Variants in KCNIP4 observed in about 807,000 individuals in gnomAD.
KCNIP4 encodes the protein potassium voltage-gated channel interacting protein 4, also known as Kv channel-interacting protein 4.
In KCNIP4, 12 loss-of-function variants were observed where a neutral mutation model predicts 34.0. That is an observed-to-expected ratio of 0.35 (90% CI 0.23 to 0.57). KCNIP4 has a LOEUF of 0.57. Among genes scored for constraint, KCNIP4 ranks in the 20% least tolerant of loss-of-function variants. The pLI, the probability that KCNIP4 is intolerant of heterozygous loss-of-function variation, is 0.83. For synonymous variants in KCNIP4, 124 were observed against 102.2 expected, an observed-to-expected ratio of 1.21 and a Z score of -1.29; for missense variants, 238 against 311.7, an observed-to-expected ratio of 0.76 and a Z score of 1.78.
At chr4:21,553,000 T>C (rs1365244860) in intron 1 of KCNIP4, among the ~76,000 whole-genome samples, 2 of 151,976 alleles carry the variant, frequency 1.3e-5, no homozygotes, top group African/African-American at 4.8e-5. Context: ...ACTCAGACTC[T>C]TGGGGAAACA....
intron 3 of KCNIP4, among the ~76,000 whole-genome samples, chr4:20,761,372 A>C (rs1251338081): frequency 6.6e-6 from 1 of 152,068 alleles, no homozygotes; most frequent in Non-Finnish European, 1.5e-5. Context: ...AATAGCTACA[A>C]CTCCAAAGGT....
rs1271539921 is a variant in KCNIP4, at chr4:20,864,049, TATGTATACAC to T, written c.164-13392_164-13383del. Among the ~76,000 whole-genome samples the T allele has an allele frequency of 5.0e-3, 641 of 128,506 alleles. 3 individuals are homozygous for T. The highest frequency in any genetic ancestry group is 0.016 in the African/African-American group (621 of 39,626). The allele number at this position is 128,506 out of a possible 152,430, so 84.3% of individuals were successfully genotyped here. On this transcript the variant is annotated intron_variant, in intron 2 of 8. Coordinates refer to ENST00000382152, the MANE Select transcript of KCNIP4 (RefSeq NM_025221.6). The stretch of plus-strand genomic sequence containing the variant: ...ACATACATATGTATGTATACGCATG[TATGTATACAC>T]ATGTATGTATACGTATGTATGTATG...
intron 1 of KCNIP4, among the ~76,000 whole-genome samples, chr4:21,624,121 G>C (rs1745165106): frequency 6.6e-6 from 1 of 152,184 alleles, no homozygotes; most frequent in South Asian, 2.1e-4. Context: ...CAGGACTTCA[G>C]ATCAGACAGA....
intron 1 of KCNIP4, among the ~76,000 whole-genome samples, chr4:21,412,032 C>T (rs558814420): frequency 1.3e-5 from 2 of 152,286 alleles, no homozygotes; most frequent in Admixed American, 6.5e-5. Flanking sequence ...ACTTGACATA[C>T]TCAATTTCTC....
intron 1 of KCNIP4, among the ~76,000 whole-genome samples, chr4:20,934,184 T>G (rs1262583306): frequency 6.6e-6 from 1 of 152,204 alleles, no homozygotes; most frequent in Non-Finnish European, 1.5e-5. Context: ...TTGGATTTCT[T>G]GTCCTCCAAC....
intron 1 of KCNIP4, among the ~76,000 whole-genome samples, chr4:21,367,431 G>A (rs1447270157): frequency 6.6e-6 from 1 of 151,806 alleles, no homozygotes; most frequent in East Asian, 1.9e-4. Flanking sequence ...TCTTCATTAG[G>A]GTCTGAGCCA....
chr4:20,993,420 A>G (rs1420315101), intron 1 of KCNIP4, among the ~76,000 whole-genome samples: 1 of 152,208 alleles, frequency 6.6e-6, no homozygotes, highest in Non-Finnish European at 1.5e-5. Flanking sequence ...TGCTCCCTAA[A>G]TCAGAAGCAT....
chr4:21,518,587 C>T (rs1734970493), intron 1 of KCNIP4, among the ~76,000 whole-genome samples: 1 of 152,026 alleles, frequency 6.6e-6, no homozygotes, highest in Non-Finnish European at 1.5e-5. Flanking sequence ...TAGGACCTGC[C>T]GAGGTAAGCC....
At chr4:21,331,952 C>G (rs546158656) in intron 1 of KCNIP4, among the ~76,000 whole-genome samples, 1 of 152,162 alleles carries the variant, frequency 6.6e-6, no homozygotes, top group African/African-American at 2.4e-5. Flanking sequence ...ATGCATGGCA[C>G]ATAGTAGGTC....
At chr4:21,021,984 G>A (rs915735503) in intron 1 of KCNIP4, among the ~76,000 whole-genome samples, 1 of 152,072 alleles carries the variant, frequency 6.6e-6, no homozygotes, top group African/African-American at 2.4e-5. Context: ...TGTGTGCTAT[G>A]CTTTGATCAG....
intron 1 of KCNIP4, among the ~76,000 whole-genome samples, chr4:21,543,039 TAAAGG>T (rs1737836079): frequency 1.3e-5 from 2 of 151,956 alleles, no homozygotes; most frequent in African/African-American, 4.8e-5. Flanking sequence ...CTTACGTTAC[TAAAGG>T]AAATCAATAG....
At chr4:20,791,899 C>T (rs1159659615) in intron 3 of KCNIP4, among the ~76,000 whole-genome samples, 12 of 152,154 alleles carry the variant, frequency 7.9e-5, no homozygotes, top group Admixed American at 7.9e-4. Flanking sequence ...AGAAATTCTG[C>T]CATAAACTGT....
At chr4:21,099,799 A>G (rs1343729543) in intron 1 of KCNIP4, among the ~76,000 whole-genome samples, 1 of 152,274 alleles carries the variant, frequency 6.6e-6, no homozygotes, top group East Asian at 1.9e-4. Context: ...AATAACACTA[A>G]TTGGAGTTTG....
At chr4:20,935,563 T>A (rs542590776) in intron 1 of KCNIP4, among the ~76,000 whole-genome samples, 1 of 152,198 alleles carries the variant, frequency 6.6e-6, no homozygotes, top group East Asian at 1.9e-4. Context: ...TCCACCCCAA[T>A]TCTCTACACT....
chr4:21,866,681 C>A (rs1725439145), intron 1 of KCNIP4, among the ~76,000 whole-genome samples: 1 of 150,976 alleles, frequency 6.6e-6, no homozygotes, highest in Non-Finnish European at 1.5e-5. Flanking sequence ...ACTGGTCAAA[C>A]TGTATTTCTG....
At chr4:20,776,280 G>GA (rs2149385862) in intron 3 of KCNIP4, among the ~76,000 whole-genome samples, 1 of 152,240 alleles carries the variant, frequency 6.6e-6, no homozygotes. Context: ...AACAATGCAT[G>GA]TTTTTGTTTT....
chr4:20,938,353 C>G (rs1477714559), intron 1 of KCNIP4, among the ~76,000 whole-genome samples: 1 of 152,044 alleles, frequency 6.6e-6, no homozygotes, highest in Non-Finnish European at 1.5e-5. Context: ...TTCATGAAGA[C>G]AAAACCAGTC....
At chr4:21,212,353 G>T (rs1406812132) in intron 1 of KCNIP4, among the ~76,000 whole-genome samples, 1 of 152,166 alleles carries the variant, frequency 6.6e-6, no homozygotes, top group Non-Finnish European at 1.5e-5. Context: ...CACTCAAAAA[G>T]ATTAGGTAAT....
chr4:20,764,270 C>T (rs930980485), intron 3 of KCNIP4, among the ~76,000 whole-genome samples: 6 of 151,786 alleles, frequency 4.0e-5, no homozygotes, highest in Admixed American at 1.3e-4. Flanking sequence ...GCATATATAC[C>T]GTAGAAATAA....
Sources: allele counts gnomAD v4.1 joint callset (sites outside exome capture counted in the v4.1 genomes callset), GRCh38; gene constraint gnomAD v4.1.1; transcripts MANE v1.5; gene names NCBI Gene and HGNC (gene_info 2026-07-23, HGNC 2026-07-21).